Variants in SUCLG2 observed in about 807,000 individuals in gnomAD.
SUCLG2 encodes succinate--CoA ligase [GDP-forming] subunit beta, mitochondrial.
Under a neutral mutation model 47.9 loss-of-function variants are expected in SUCLG2, and 42 were observed. The observed-to-expected ratio is 0.88, with a 90% CI of 0.69 to 1.14. The LOEUF (loss-of-function observed/expected upper bound fraction) is 1.14. Among genes scored for constraint, SUCLG2 ranks in the 50% most tolerant of loss-of-function variants. The pLI, the probability that SUCLG2 is intolerant of heterozygous loss-of-function variation, is 0.00. For missense variants in SUCLG2, 571 were observed against 525.9 expected, an observed-to-expected ratio of 1.09 and a Z score of -0.84; for synonymous variants, 195 against 197.3, an observed-to-expected ratio of 0.99 and a Z score of 0.10.
chr3:67,514,789 G>A (rs893587202), intron 6 of SUCLG2, among the ~76,000 whole-genome samples: 4 of 152,070 alleles, frequency 2.6e-5, no homozygotes, highest in African/African-American at 7.2e-5. Context: ...AGTCACTGAC[G>A]GATTACAACC....
At chr3:67,420,599 T>A (rs1001499053) in intron 9 of SUCLG2, among the ~76,000 whole-genome samples, 14 of 152,212 alleles carry the variant, frequency 9.2e-5, no homozygotes, top group Non-Finnish European at 1.9e-4. Context: ...TAATTTGATA[T>A]TGAAGAGCAA....
At chr3:67,576,719 A>G (rs186786375) in intron 2 of SUCLG2, among the ~76,000 whole-genome samples, 35 of 152,296 alleles carry the variant, frequency 2.3e-4, no homozygotes, top group African/African-American at 8.2e-4. Flanking sequence ...TGTGAATTTC[A>G]GTTGAGAGTT....
intron 9 of SUCLG2, among the ~76,000 whole-genome samples, chr3:67,440,999 C>CTGGAT (rs1455194055): frequency 6.6e-6 from 1 of 152,126 alleles, no homozygotes; most frequent in Non-Finnish European, 1.5e-5. Flanking sequence ...CAATGATAGA[C>CTGGAT]TGGATAAAGA....
intron 1 of SUCLG2, among the ~76,000 whole-genome samples, chr3:67,643,508 G>T (rs761353121): frequency 7.2e-5 from 11 of 152,178 alleles, no homozygotes; most frequent in Admixed American, 6.5e-5. Context: ...GTCCTCCAAG[G>T]CTGTATAATT....
In SUCLG2 at chr3:67,571,227, G is replaced by T. The variant is rs74429137; in HGVS notation, c.226+38228C>A. Among the ~76,000 whole-genome samples, 3 of 152,100 alleles carry T rather than the reference G, an allele frequency of 2.0e-5. No individual in the cohort carries two copies. In the East Asian group the frequency reaches 5.8e-4, roughly 29 times the overall value. On this transcript the variant is annotated intron_variant, in intron 2 of 10. Transcript: ENST00000307227. ...GGACACAGTTCTGGTGGTTACAACT[G>T]GGGGATGCTACTGGCACCTAGTACT...
rs533640091 is a variant in SUCLG2, at chr3:67,398,548, T to C, written c.1183+2183A>G. Among the ~76,000 whole-genome samples the C allele has an allele frequency of 1.4e-4, 22 of 151,766 alleles. No homozygotes were observed. In the South Asian group the frequency reaches 4.6e-3, roughly 32 times the overall value. The stretch of plus-strand genomic sequence containing the variant: ...AGGTGCTGGAGAGGATGTGGAGAAA[T>C]AGGAACACTTTTACACTGTTGGTGG... On this transcript the variant is annotated intron_variant, in intron 10 of 10. Coordinates refer to ENST00000307227, the MANE Select transcript of SUCLG2 (RefSeq NM_003848.4).
chr3:67,487,983 C>T (rs193242970), intron 9 of SUCLG2, among the ~76,000 whole-genome samples: 64 of 151,736 alleles, frequency 4.2e-4, no homozygotes, highest in African/African-American at 1.3e-3. Flanking sequence ...AATACCATTC[C>T]GCCACTGAAA....
chr3:67,437,941 C>T (rs1703665149), intron 9 of SUCLG2, among the ~76,000 whole-genome samples: 2 of 152,036 alleles, frequency 1.3e-5, no homozygotes, highest in Admixed American at 1.3e-4. Context: ...TCATTTGTTC[C>T]TTGGAGTATG....
At chr3:67,611,751 T>C (rs1467138791) in intron 1 of SUCLG2, among the ~76,000 whole-genome samples, 1 of 152,182 alleles carries the variant, frequency 6.6e-6, no homozygotes, top group Non-Finnish European at 1.5e-5. Context: ...ACACTCGCCA[T>C]ATTAATTTTA....
intron 4 of SUCLG2, among the ~76,000 whole-genome samples, chr3:67,526,304 A>T (rs1706253562): frequency 6.6e-6 from 1 of 152,186 alleles, no homozygotes; most frequent in South Asian, 2.1e-4. Context: ...TAAAATTGCA[A>T]AAAAAATCTC....
At chr3:67,389,313 G>C (rs1702327434) in intron 10 of SUCLG2, among the ~76,000 whole-genome samples, 1 of 152,148 alleles carries the variant, frequency 6.6e-6, no homozygotes, top group Admixed American at 6.5e-5. Flanking sequence ...CAGAGATGAA[G>C]CTGCAACACT....
At chr3:67,653,999 A>G (rs142835899) in intron 1 of SUCLG2, among the ~76,000 whole-genome samples, 7 of 152,316 alleles carry the variant, frequency 4.6e-5, no homozygotes, top group African/African-American at 7.2e-5. Flanking sequence ...AGGCACATTA[A>G]AAGTCTGCAA....
At chr3:67,475,013 A>G in intron 9 of SUCLG2, among the ~76,000 whole-genome samples, 1 of 146,918 alleles carries the variant, frequency 6.8e-6, no homozygotes, top group East Asian at 1.9e-4. Context: ...AAAAAAAAAA[A>G]AAGAGAGGAA....
intron 2 of SUCLG2, among the ~76,000 whole-genome samples, chr3:67,598,996 A>G (rs184076003): frequency 6.6e-6 from 1 of 152,372 alleles, no homozygotes; most frequent in African/African-American, 2.4e-5. Context: ...GATGAGCCAC[A>G]AAAACTGGGA....
chr3:67,623,550 C>T (rs1293261686), intron 1 of SUCLG2, among the ~76,000 whole-genome samples: 1 of 152,018 alleles, frequency 6.6e-6, no homozygotes, highest in Non-Finnish European at 1.5e-5. Context: ...GAGTACAATA[C>T]TAGGCCATGG....
At chr3:67,370,829 AT>A (rs1701943132), downstream of SUCLG2, among the ~76,000 whole-genome samples, 1 of 152,184 alleles carries the variant, frequency 6.6e-6, no homozygotes, top group Admixed American at 6.5e-5. Flanking sequence ...GAAACCATGG[AT>A]AAGGGAGGAC....
At chr3:67,558,331 C>CAA (rs35100169) in intron 2 of SUCLG2, among the ~76,000 whole-genome samples, 120 of 114,942 alleles carry the variant, frequency 1.0e-3, no homozygotes, top group African/African-American at 3.2e-3. Flanking sequence ...TCTTTGACAC[C>CAA]AAAAAAAAAA....
chr3:67,485,878 G>T lies in SUCLG2; in HGVS notation c.1062+9920C>A, dbSNP rs532461974. 7.2e-5 allele frequency among the ~76,000 whole-genome samples: 11 copies of T among 152,328 alleles called. No homozygotes were observed. The East Asian group carries it at 2.1e-3, about 29-fold the overall frequency. Reference sequence around the variant, plus strand: ...AAGCCATTACTGGCATATTCTAAAGGTTCTCATAATCAAATCCTTCCTTTA... The same window carrying T: ...AAGCCATTACTGGCATATTCTAAAGTTTCTCATAATCAAATCCTTCCTTTA... On this transcript the variant is annotated intron_variant, in intron 9 of 10. Transcript: ENST00000307227.
At chr3:67,618,816 C>T (rs982367999) in intron 1 of SUCLG2, among the ~76,000 whole-genome samples, 4 of 152,068 alleles carry the variant, frequency 2.6e-5, no homozygotes, top group Non-Finnish European at 4.4e-5. Flanking sequence ...GAAAAGCCAG[C>T]GTTGAAGGGA....
Sources: allele counts gnomAD v4.1 joint callset (sites outside exome capture counted in the v4.1 genomes callset), GRCh38; gene constraint gnomAD v4.1.1; transcripts MANE v1.5; gene names NCBI Gene and HGNC (gene_info 2026-07-23, HGNC 2026-07-21).